Variants in GALNT13 observed in about 807,000 individuals in gnomAD.
The protein encoded by GALNT13 is polypeptide N-acetylgalactosaminyltransferase 13.
Under a neutral mutation model 64.2 loss-of-function variants are expected in GALNT13, and 28 were observed. That is an observed-to-expected ratio of 0.44 (90% CI 0.32 to 0.60). The LOEUF (loss-of-function observed/expected upper bound fraction) is 0.60. GALNT13 is among the 20% of genes least tolerant of loss of function. The pLI, the probability that GALNT13 is intolerant of heterozygous loss-of-function variation, is 0.05. For missense variants in GALNT13, 577 were observed against 669.8 expected, an observed-to-expected ratio of 0.86 and a Z score of 1.53; for synonymous variants, 214 against 224.6, an observed-to-expected ratio of 0.95 and a Z score of 0.42.
chr2:153,571,394 T>C, the GALNT13 span, among the ~76,000 whole-genome samples: 1 of 152,018 alleles, frequency 6.6e-6, no homozygotes, highest in Admixed American at 6.6e-5. Flanking sequence ...GATCATATAA[T>C]CTGCAAACAA....
chr2:153,611,438 G>A, the GALNT13 span, among the ~76,000 whole-genome samples: 2 of 151,704 alleles, frequency 1.3e-5, no homozygotes, highest in Non-Finnish European at 2.9e-5. Flanking sequence ...GTGCAATCTT[G>A]GCTCACTTCC....
At chr2:154,334,892 T>G (rs1391472250) in intron 9 of GALNT13, among the ~76,000 whole-genome samples, 9 of 151,968 alleles carry the variant, frequency 5.9e-5, no homozygotes, top group Non-Finnish European at 1.2e-4. Context: ...ACTCTTCCAG[T>G]GATATTAAAT....
the GALNT13 span, among the ~76,000 whole-genome samples, chr2:153,527,664 C>A: frequency 9.2e-5 from 14 of 152,096 alleles, no homozygotes; most frequent in African/African-American, 3.1e-4. Flanking sequence ...TAAACTACTA[C>A]CCTAAGTAGA....
At chr2:154,374,865 A>T (rs1697893258) in intron 9 of GALNT13, among the ~76,000 whole-genome samples, 2 of 152,212 alleles carry the variant, frequency 1.3e-5, no homozygotes, top group African/African-American at 4.8e-5. Flanking sequence ...CTAAATAACC[A>T]ATCTAATAGA....
intron 11 of GALNT13, among the ~76,000 whole-genome samples, chr2:154,413,645 G>C (rs1300156073): frequency 6.6e-6 from 1 of 151,974 alleles, no homozygotes; most frequent in Middle Eastern, 3.4e-3. Flanking sequence ...AATGCTTTCA[G>C]TGTTTTCCTA....
the GALNT13 span, among the ~76,000 whole-genome samples, chr2:153,407,065 A>G: frequency 1.3e-5 from 2 of 152,146 alleles, no homozygotes; most frequent in African/African-American, 4.8e-5. Flanking sequence ...CCAAAAGCTA[A>G]CATAAAATAT....
the GALNT13 span, among the ~76,000 whole-genome samples, chr2:153,311,470 C>A: frequency 6.6e-6 from 1 of 152,184 alleles, no homozygotes. Flanking sequence ...TTTATTATCT[C>A]CCAGATTCTA....
At chr2:153,346,518 T>C in the GALNT13 span, among the ~76,000 whole-genome samples, 6 of 152,172 alleles carry the variant, frequency 3.9e-5, no homozygotes, top group African/African-American at 1.4e-4. Flanking sequence ...TTTTATAATT[T>C]ATTTTTTTTA....
chr2:153,824,994 A>C, the GALNT13 span, among the ~76,000 whole-genome samples: 6 of 152,194 alleles, frequency 3.9e-5, no homozygotes, highest in Non-Finnish European at 8.8e-5. Context: ...TAAATTACCC[A>C]GTTCTTTTCT....
At chr2:154,161,919 T>C (rs1386180689) in intron 4 of GALNT13, among the ~76,000 whole-genome samples, 1 of 152,032 alleles carries the variant, frequency 6.6e-6, no homozygotes, top group African/African-American at 2.4e-5. Flanking sequence ...TAGCTGGGAC[T>C]ACAGGTGCCC....
At chr2:154,066,518 C>T (rs1700472344) in intron 3 of GALNT13, among the ~76,000 whole-genome samples, 1 of 151,866 alleles carries the variant, frequency 6.6e-6, no homozygotes, top group Non-Finnish European at 1.5e-5. Context: ...AATGGAGTTC[C>T]AAGTCTGGCA....
At chr2:154,267,325 A>T (rs186369130) in intron 8 of GALNT13, among the ~76,000 whole-genome samples, 3 of 152,262 alleles carry the variant, frequency 2.0e-5, no homozygotes, top group Admixed American at 6.5e-5. Context: ...GGTAAATTAG[A>T]TATCATTAAA....
chr2:154,228,288 A>G (rs1222491720), intron 4 of GALNT13, among the ~76,000 whole-genome samples: 1 of 152,138 alleles, frequency 6.6e-6, no homozygotes, highest in African/African-American at 2.4e-5. Flanking sequence ...GAAAGGGTTA[A>G]TAAGCCCATT....
the GALNT13 span, among the ~76,000 whole-genome samples, chr2:153,360,462 A>C: frequency 6.6e-6 from 1 of 152,044 alleles, no homozygotes; most frequent in Non-Finnish European, 1.5e-5. Context: ...TTCCTAACAC[A>C]CTAAGATCCC....
At chr2:153,772,010 C>A in the GALNT13 span, among the ~76,000 whole-genome samples, 2 of 152,204 alleles carry the variant, frequency 1.3e-5, no homozygotes, top group Non-Finnish European at 2.9e-5. Context: ...AAATCTGTCT[C>A]TGGCTGCAAA....
chr2:154,264,616 A>C (rs1338118993), intron 8 of GALNT13, among the ~76,000 whole-genome samples: 1 of 152,068 alleles, frequency 6.6e-6, no homozygotes, highest in African/African-American at 2.4e-5. Flanking sequence ...CCGTCTGGAC[A>C]ACAGAGCGAG....
At chr2:153,073,256 T>C in the GALNT13 span, among the ~76,000 whole-genome samples, 1 of 152,130 alleles carries the variant, frequency 6.6e-6, no homozygotes, top group African/African-American at 2.4e-5. Flanking sequence ...GCTCCTCCTG[T>C]GTGGTTTTCA....
At chr2:153,255,878 T>A in the GALNT13 span, among the ~76,000 whole-genome samples, 102 of 152,332 alleles carry the variant, frequency 6.7e-4, no homozygotes, top group South Asian at 4.4e-3. Flanking sequence ...AACTTCACCT[T>A]TCTCTCTGGC....
At chr2:154,081,195 C>G (rs10490535) in intron 3 of GALNT13, among the ~76,000 whole-genome samples, 83,643 of 151,188 alleles carry the variant, frequency 0.55, 24,386 homozygotes, top group East Asian at 0.85. Flanking sequence ...GTTCATTTCT[C>G]GTTGCTAATC....
Sources: allele counts gnomAD v4.1 joint callset (sites outside exome capture counted in the v4.1 genomes callset), GRCh38; gene constraint gnomAD v4.1.1; transcripts MANE v1.5; gene names NCBI Gene and HGNC (gene_info 2026-07-23, HGNC 2026-07-21).